The following IL1RAPL1 variants were observed in gnomAD, a reference collection of about 807,000 sequenced individuals.
The protein encoded by IL1RAPL1 is interleukin 1 receptor accessory protein like 1, also known as interleukin-1 receptor accessory protein-like 1.
Under a neutral mutation model 48.4 loss-of-function variants are expected in IL1RAPL1, and 3 were observed. The ratio of observed to expected loss-of-function variants is 0.06; its 90% CI spans 0.03 to 0.16. The LOEUF (loss-of-function observed/expected upper bound fraction) is 0.16. IL1RAPL1 is among the 10% of genes least tolerant of loss of function. The pLI is 1.00. For synonymous variants in IL1RAPL1, 185 were observed against 187.7 expected (o/e 0.99, Z 0.12); for missense variants, 349 against 530.6 (o/e 0.66, Z 3.36).
intron 3 of IL1RAPL1, among the ~76,000 whole-genome samples, chrX:29,303,919 TAACTC>T (rs1447752501): frequency 8.9e-6 from 1 of 112,158 alleles, no homozygotes; most frequent in Non-Finnish European, 1.9e-5. Context: ...CTAAATTACT[TAACTC>T]TAATGCCTAT....
chrX:29,273,220 G>T (rs1932069774), intron 2 of IL1RAPL1, among the ~76,000 whole-genome samples: 1 of 112,231 alleles, frequency 8.9e-6, no homozygotes, highest in African/African-American at 3.2e-5. Context: ...GGCTCTTTCA[G>T]TTGCCAGAGA....
intron 6 of IL1RAPL1, among the ~76,000 whole-genome samples, chrX:29,909,792 G>A (rs1389677380): frequency 8.9e-6 from 1 of 111,971 alleles, no homozygotes; most frequent in Non-Finnish European, 1.9e-5. Context: ...GTGAAGAAAA[G>A]GGAACGCTTA....
intron 2 of IL1RAPL1, among the ~76,000 whole-genome samples, chrX:28,901,942 T>C (rs1276206962): frequency 9.0e-6 from 1 of 111,691 alleles, no homozygotes; most frequent in Non-Finnish European, 1.9e-5. Context: ...ATAATGGCTA[T>C]GTGACTCCCA....
rs192349512 is a variant in IL1RAPL1, at chrX:29,127,833, C to T, written c.83-155105C>T. 1.7e-4 allele frequency among the ~76,000 whole-genome samples: 19 copies of T among 110,202 alleles called. No homozygotes were observed. In the East Asian group the frequency reaches 5.5e-3, roughly 32 times the overall value. On this transcript the variant is annotated intron_variant, in intron 2 of 10. Transcript: ENST00000378993. ...AAATAAAATTAGCCAGGCATGGTGG[C>T]GGGCGCCTGTAATCCCAGCTACTCA...
At chrX:29,884,553 C>T (rs909468875) in intron 6 of IL1RAPL1, among the ~76,000 whole-genome samples, 4 of 111,226 alleles carry the variant, frequency 3.6e-5, no homozygotes, top group African/African-American at 9.8e-5. Context: ...ATCTTCTCTA[C>T]TCTCCCTACT....
intron 2 of IL1RAPL1, among the ~76,000 whole-genome samples, chrX:28,793,403 T>G (rs1936576306): frequency 9.0e-6 from 1 of 110,771 alleles, no homozygotes; most frequent in Non-Finnish European, 1.9e-5. Context: ...TCTTCCTCCC[T>G]TCCTTCTTCT....
intron 2 of IL1RAPL1, among the ~76,000 whole-genome samples, chrX:28,996,240 CATGTA>C (rs768172718): frequency 6.3e-5 from 7 of 111,475 alleles, no homozygotes; most frequent in South Asian, 3.7e-4. Context: ...TGGCTTCTTT[CATGTA>C]ATGTAATGTT....
At chrX:29,312,985 C>A (rs1039416376) in intron 3 of IL1RAPL1, among the ~76,000 whole-genome samples, 1 of 111,590 alleles carries the variant, frequency 9.0e-6, no homozygotes, top group African/African-American at 3.3e-5. Flanking sequence ...AACTGTGAGT[C>A]CATTAAACCT....
intron 2 of IL1RAPL1, among the ~76,000 whole-genome samples, chrX:29,269,565 C>T (rs1396254098): frequency 3.6e-5 from 4 of 109,986 alleles, no homozygotes; most frequent in African/African-American, 6.6e-5. Flanking sequence ...TAAAGAATGC[C>T]TGAAATCATG....
At chrX:28,745,552 A>T (rs1239877114) in intron 1 of IL1RAPL1, among the ~76,000 whole-genome samples, 3 of 111,363 alleles carry the variant, frequency 2.7e-5, no homozygotes, top group Non-Finnish European at 5.7e-5. Context: ...AAATAGGTAG[A>T]TGGCTACATA....
chrX:28,623,626 G>C (rs960475987), intron 1 of IL1RAPL1, among the ~76,000 whole-genome samples: 2 of 111,813 alleles, frequency 1.8e-5, no homozygotes, highest in African/African-American at 3.2e-5. Flanking sequence ...TGGATTATTG[G>C]TTAAGGAATG....
chrX:29,091,790 A>C (rs1432795335), intron 2 of IL1RAPL1, among the ~76,000 whole-genome samples: 1 of 111,452 alleles, frequency 9.0e-6, no homozygotes, highest in Admixed American at 9.6e-5. Context: ...AGACATCAAA[A>C]TTGTTTCCCT....
intron 5 of IL1RAPL1, among the ~76,000 whole-genome samples, chrX:29,600,218 C>G (rs976396506): frequency 3.6e-5 from 4 of 111,970 alleles, no homozygotes; most frequent in African/African-American, 1.3e-4. Flanking sequence ...AGGGTGCTCC[C>G]TTGATGTGGT....
chrX:28,598,721 C>T (rs1053096672), intron 1 of IL1RAPL1, among the ~76,000 whole-genome samples: 10 of 106,666 alleles, frequency 9.4e-5, no homozygotes, highest in Non-Finnish European at 1.6e-4. Flanking sequence ...CTCTGCCTCC[C>T]GGGTTCAAGC....
chrX:28,774,728 AG>A (rs1936344655), intron 1 of IL1RAPL1, among the ~76,000 whole-genome samples: 1 of 111,766 alleles, frequency 8.9e-6, no homozygotes, highest in South Asian at 3.7e-4. Flanking sequence ...GGATTACACA[AG>A]GTAATGAATA....
At chrX:29,627,252 T>A (rs1157870622) in intron 5 of IL1RAPL1, among the ~76,000 whole-genome samples, 1 of 112,231 alleles carries the variant, frequency 8.9e-6, no homozygotes, top group Non-Finnish European at 1.9e-5. Flanking sequence ...GAAGAGGCTG[T>A]ACGTGAAGGC....
intron 5 of IL1RAPL1, among the ~76,000 whole-genome samples, chrX:29,626,604 GAT>G (rs1924621384): frequency 9.0e-6 from 1 of 111,291 alleles, no homozygotes; most frequent in African/African-American, 3.3e-5. Context: ...GTTGTTTTCT[GAT>G]ATGTTGTTTT....
intron 2 of IL1RAPL1, among the ~76,000 whole-genome samples, chrX:29,034,923 C>T (rs1351037691): frequency 9.3e-6 from 1 of 107,676 alleles, no homozygotes; most frequent in East Asian, 2.9e-4. Context: ...GGCGGGATCT[C>T]GCCTCACTGC....
At chrX:28,790,159 AT>A (rs1936519662) in intron 2 of IL1RAPL1, among the ~76,000 whole-genome samples, 1 of 112,186 alleles carries the variant, frequency 8.9e-6, no homozygotes, top group Non-Finnish European at 1.9e-5. Context: ...GAGTCACATA[AT>A]TTTTGAAGTT....
Sources: gnomAD v4.1 joint callset for allele counts (sites outside exome capture counted in the v4.1 genomes callset) on GRCh38, gnomAD v4.1.1 for gene constraint, MANE v1.5 for transcripts, NCBI Gene and HGNC (gene_info 2026-07-23, HGNC 2026-07-21) for gene names.